ADRA1A: variants seen among roughly 807,000 people sequenced by gnomAD.
ADRA1A encodes alpha-1A adrenergic receptor.
A neutral mutation model predicts 29.6 loss-of-function variants in ADRA1A; 31 were observed. The observed-to-expected ratio is 1.05, with a 90% CI of 0.79 to 1.41. ADRA1A has a LOEUF of 1.41. Ranked by LOEUF, ADRA1A falls within the 40% of genes most tolerant of loss-of-function variation. The pLI is 0.00. For synonymous variants in ADRA1A, 311 were observed against 254.3 expected (o/e 1.22, Z -2.12); for missense variants, 619 against 601.1 (o/e 1.03, Z -0.31).
rs181115281 is a variant in ADRA1A, at chr8:26,823,985, C to T, written c.883+40102G>A. 6.6e-6 allele frequency among the ~76,000 whole-genome samples: 1 copy of T among 152,192 alleles called. No individual in the cohort carries two copies. The highest frequency in any genetic ancestry group is 6.5e-5 in the Admixed American group (1 of 15,280). ...TTGCCCTGGGCTGGAAAATGGAGTGCCCAATGAATAGAGCTGCTTCTTTCT... is the reference window on the plus strand; with the variant it reads ...TTGCCCTGGGCTGGAAAATGGAGTGTCCAATGAATAGAGCTGCTTCTTTCT... On this transcript the variant is annotated intron_variant, in intron 2 of 2. Transcript: ENST00000380573. The surrounding 1 kb of genome is among the most constrained non-coding windows in gnomAD (Gnocchi z 4.2).
chr8:26,816,988 T>C (rs1809817480), intron 2 of ADRA1A, among the ~76,000 whole-genome samples: 1 of 152,202 alleles, frequency 6.6e-6, no homozygotes, highest in Admixed American at 6.5e-5. Flanking sequence ...GTTAAAGATT[T>C]CTTAACTACA....
chr8:26,792,091 A>G (rs1409416548), intron 2 of ADRA1A, among the ~76,000 whole-genome samples: 1 of 152,156 alleles, frequency 6.6e-6, no homozygotes, highest in Non-Finnish European at 1.5e-5. Context: ...TGGCTGATGA[A>G]TAAATGCCCA....
In ADRA1A at chr8:26,864,802, G is replaced by A. The variant is rs773583196; in HGVS notation, c.168C>T (p.His56=). Residue 56 remains histidine, a synonymous_variant, in exon 2 of 3, where the codon CAC becomes CAT. Transcript: ENST00000380573. The surrounding 1 kb of genome is among the most constrained non-coding windows in gnomAD (Gnocchi z 8.1). ...TGTAGTAGTGCGTGACTGAGTGCAG[G>A]TGTCGGTGACAGGCTACGGAGAGGA... The part of the protein sequence containing the change: ...LVILSVACHR[H]LHSVTHYYIV... 1.9e-6 allele frequency: 3 copies of A among 1,614,166 alleles called. No individual in the cohort carries two copies. The highest frequency in any genetic ancestry group is 2.2e-5 in the South Asian group (2 of 91,078).
In ADRA1A at chr8:26,866,345, G is replaced by A. The variant is rs1438923243; in HGVS notation, c.-687+591C>T. Among the ~76,000 whole-genome samples the A allele has an allele frequency of 6.6e-6, 1 of 152,232 alleles. No homozygotes were observed. Among genetic ancestry groups the A allele is most frequent in the Non-Finnish European group, 1.5e-5 (1 of 68,034 alleles). ...ACTGTTGGCCACCCGAGGGGCTCCA[G>A]CTGCCAGCCGTAGCGGGACTGGCGG... is the stretch of plus-strand genomic sequence containing the variant. On this transcript the variant is annotated intron_variant, in intron 1 of 2. Coordinates refer to ENST00000380573, the MANE Select transcript of ADRA1A (RefSeq NM_000680.4). This position sits in a 1 kb window ranked among gnomAD's most constrained non-coding sequence, Gnocchi z 5.7.
chr8:26,756,333 A>G, downstream of ADRA1A: 3 of 823,958 alleles, frequency 3.6e-6, no homozygotes, highest in South Asian at 3.7e-5. Flanking sequence ...TTTAACCCAT[A>G]AAAGTTCCCC....
intron 2 of ADRA1A, among the ~76,000 whole-genome samples, chr8:26,802,619 TG>T (rs1322244309): frequency 6.6e-6 from 1 of 152,160 alleles, no homozygotes; most frequent in Non-Finnish European, 1.5e-5. Context: ...CATACACCGT[TG>T]GTGGGAGTGT....
At chr8:26,764,901 T>C (rs59917388), downstream of ADRA1A, among the ~76,000 whole-genome samples, 3,716 of 152,302 alleles carry the variant, frequency 0.024, 72 homozygotes, top group Admixed American at 0.06. Context: ...CCTAATTAAG[T>C]CTGTAGTTTT....
At chr8:26,850,060 G>T (rs1812513884) in intron 2 of ADRA1A, among the ~76,000 whole-genome samples, 1 of 58,122 alleles carries the variant, frequency 1.7e-5, no homozygotes, top group African/African-American at 9.7e-5. Context: ...AAAAAACAGG[G>T]CAGGTATAGG....
chr8:26,837,737 A>G (rs1375961875), intron 2 of ADRA1A, among the ~76,000 whole-genome samples: 2 of 152,066 alleles, frequency 1.3e-5, no homozygotes, highest in Admixed American at 6.5e-5. Context: ...GTTATAGCAC[A>G]AGGAAAAAAG....
chr8:26,813,836 T>C (rs1330042635), intron 2 of ADRA1A, among the ~76,000 whole-genome samples: 1 of 152,210 alleles, frequency 6.6e-6, no homozygotes, highest in Non-Finnish European at 1.5e-5. Context: ...GTAAATGTCT[T>C]TTTAGACTAG....
intron 2 of ADRA1A, chr8:26,836,431 AG>A (rs1811366290): frequency 6.6e-6 from 1 of 152,404 alleles, no homozygotes; most frequent in African/African-American, 2.4e-5. Context: ...ATCCTGCAAA[AG>A]TCCCTTCTAC....
intron 2 of ADRA1A, among the ~76,000 whole-genome samples, chr8:26,824,228 G>T (rs1055135055): frequency 2.0e-5 from 3 of 151,900 alleles, no homozygotes; most frequent in African/African-American, 7.3e-5. Flanking sequence ...ACAGAATCAC[G>T]AACAGTTTAA....
chr8:26,812,891 C>T (rs1255215898), intron 2 of ADRA1A, among the ~76,000 whole-genome samples: 2 of 151,994 alleles, frequency 1.3e-5, no homozygotes, highest in African/African-American at 2.4e-5. Flanking sequence ...TGGTCTCGAT[C>T]TCCTGACCTT....
At position 26,770,198 on chromosome 8, in the gene ADRA1A, G is replaced by T; in HGVS notation, c.1352C>A (p.Thr451Asn). 6.3e-7 allele frequency: 1 copy of T among 1,595,494 alleles called. No individual in the cohort carries two copies. Among genetic ancestry groups the T allele is most frequent in the Non-Finnish European group, 8.5e-7 (1 of 1,170,064 alleles). Residue 451 changes from threonine to asparagine, a missense_variant, in exon 3 of 3, where the codon ACC (threonine) becomes AAC (asparagine). Transcript: ENST00000380573. ...PSLDKNHQVP[T>N]IKVHTISLSE... is the part of the protein sequence containing the mutation. ...GAGGGAGATGGTGTGGACCTTAATGGTTGGAACTTGATGGTTCTTGTCAAG... is the reference window on the plus strand; with the variant it reads ...GAGGGAGATGGTGTGGACCTTAATGTTTGGAACTTGATGGTTCTTGTCAAG...
rs993800673 is a variant in ADRA1A at position 26,850,845 on chromosome 8, TATA to T, written c.883+13239_883+13241del. 1.4e-4 allele frequency among the ~76,000 whole-genome samples: 22 copies of T among 152,192 alleles called. 1 individual carries two copies. The highest frequency in any genetic ancestry group is 4.8e-4 in the African/African-American group (20 of 41,456). On this transcript the variant is annotated intron_variant, in intron 2 of 2. Transcript: ENST00000380573. Reference sequence around the variant, plus strand: ...TGTTTGGTGCTATAGTCTTCTCTAATATAATAATAAATATTTTAAACTTTGTGG... The same window carrying T: ...TGTTTGGTGCTATAGTCTTCTCTAATATAATAAATATTTTAAACTTTGTGG...
At position 26,806,666 on chromosome 8, in the gene ADRA1A, C is replaced by T. The variant is rs1308364810; in HGVS notation, c.884-36000G>A. 3.3e-5 allele frequency among the ~76,000 whole-genome samples: 5 copies of T among 152,066 alleles called. No individual in the cohort carries two copies. The highest frequency in any genetic ancestry group is 9.7e-5 in the African/African-American group (4 of 41,418). On this transcript the variant is annotated intron_variant, in intron 2 of 2. Transcript: ENST00000380573. This position sits in a 1 kb window ranked among gnomAD's most constrained non-coding sequence, Gnocchi z 4.6. ...GAACCTCTCTAATCGCCAGAGAGTC[C>T]GAGGTTTCTCCCTAAGTCTCTTTAC...
intron 2 of ADRA1A, among the ~76,000 whole-genome samples, chr8:26,781,817 G>A (rs1403122234): frequency 6.6e-6 from 1 of 152,196 alleles, no homozygotes; most frequent in Non-Finnish European, 1.5e-5. Flanking sequence ...ATCTCCCAAG[G>A]AGGAAGTGTG....
At chr8:26,859,089 T>C in intron 2 of ADRA1A, 1 of 1,288,548 alleles carries the variant, frequency 7.8e-7, no homozygotes, top group Non-Finnish European at 1.0e-6. Flanking sequence ...CAGCTGTGGA[T>C]AGCACACTCA....
rs970394874 is a variant in ADRA1A at position 26,825,710 on chromosome 8, C to T, written c.883+38377G>A. 5.3e-5 allele frequency among the ~76,000 whole-genome samples: 8 copies of T among 152,306 alleles called. No individual in the cohort carries two copies. The highest frequency in any genetic ancestry group is 3.3e-4 in the Admixed American group (5 of 15,290). ...TTAGCTTGTAATGATATATGAATTG[C>T]ACATGCACGCTAATTTATACTCTCC... On this transcript the variant is annotated intron_variant, in intron 2 of 2. Coordinates refer to ENST00000380573, the MANE Select transcript of ADRA1A (RefSeq NM_000680.4). The surrounding 1 kb of genome is among the most constrained non-coding windows in gnomAD (Gnocchi z 5.7).
Sources: gnomAD v4.1 joint callset for allele counts (sites outside exome capture counted in the v4.1 genomes callset) on GRCh38, gnomAD v4.1.1 for gene constraint, Gnocchi (gnomAD v3.1) non-coding constraint, MANE v1.5 for transcripts, NCBI Gene and HGNC (gene_info 2026-07-23, HGNC 2026-07-21) for gene names.